The following ACVR2B variants were observed in gnomAD, a reference collection of about 807,000 sequenced individuals.
ACVR2B encodes the protein activin A receptor type 2B.
ACVR2B carries 18 observed loss-of-function variants against 65.1 expected under a neutral mutation model. That is an observed-to-expected ratio of 0.28 (90% CI 0.19 to 0.41). The LOEUF (loss-of-function observed/expected upper bound fraction) is 0.41, where lower values mean the gene tolerates loss of function less well. Among genes scored for constraint, ACVR2B ranks in the 10% least tolerant of loss-of-function variants. The probability of loss-of-function intolerance (pLI) is 1.00; values close to 1 mark genes in which losing one functional copy is unlikely to be tolerated. For missense variants in ACVR2B, 482 were observed against 682.7 expected (o/e 0.71, Z 3.28); for synonymous variants, 298 against 277.7 (o/e 1.07, Z -0.73).
intron 7 of ACVR2B, 34 bp downstream of exon 7, chr3:38,479,860 G>T: frequency 1.2e-6 from 2 of 1,610,650 alleles, no homozygotes; most frequent in South Asian, 2.2e-5. Context: ...TCCTGCACTT[G>T]ACCTGGAGCT....
At chr3:38,465,693 G>A (rs1224480236) in intron 1 of ACVR2B, among the ~76,000 whole-genome samples, 7 of 151,846 alleles carry the variant, frequency 4.6e-5, no homozygotes, top group Non-Finnish European at 1.0e-4. Flanking sequence ...GAAATGAGAA[G>A]GTCTAAGAGT....
At position 38,481,567 on chromosome 3, in the gene ACVR2B, T is replaced by C. The variant is rs145546996; in HGVS notation, c.1074+102T>C. 2.6e-5 allele frequency: 24 copies of C among 911,270 alleles called. No homozygotes were observed. Among genetic ancestry groups the C allele is most frequent in the African/African-American group, 2.0e-4 (12 of 61,480 alleles). 56.4% of individuals were successfully genotyped at this position (911,270 alleles called of 1,614,324 possible). On this transcript the variant is annotated intron_variant, in intron 8 of 10. Transcript: ENST00000352511. The surrounding 1 kb of genome is among the most constrained non-coding windows in gnomAD (Gnocchi z 4.7). Reference sequence around the variant, plus strand: ...AGGTGCAGGGATGAGGGTGACTGCATGCGTTCAGAGCTGTCTGAGAACTTA... The same window carrying C: ...AGGTGCAGGGATGAGGGTGACTGCACGCGTTCAGAGCTGTCTGAGAACTTA...
chr3:38,477,024 C>CCT lies in ACVR2B; in HGVS notation c.53-261_53-260dup, dbSNP rs1709923273. On this transcript the variant is annotated intron_variant, in intron 1 of 10. Transcript: ENST00000352511. This position sits in a 1 kb window ranked among gnomAD's most constrained non-coding sequence, Gnocchi z 6.7. The stretch of plus-strand genomic sequence containing the variant: ...TCCTTCTGTGGCATTAGGTTTCCTG[C>CCT]CTCCTCCCTTTTGCTTAGGCCTAGG... The CCT allele has an allele frequency of 3.5e-6, 2 of 571,754 alleles. No individual in the cohort carries two copies. Among genetic ancestry groups the CCT allele is most frequent in the African/African-American group, 3.7e-5 (2 of 53,412 alleles). 35.4% of individuals were successfully genotyped at this position (571,754 alleles called of 1,614,324 possible).
At position 38,477,807 on chromosome 3, in the gene ACVR2B, G is replaced by A. The variant is rs1709938366; in HGVS notation, c.261-54G>A. 2 of 1,564,918 alleles carry A rather than the reference G, an allele frequency of 1.3e-6. No individual in the cohort carries two copies. Among genetic ancestry groups the A allele is most frequent in the South Asian group, 2.2e-5 (2 of 90,102 alleles). On this transcript the variant is annotated intron_variant, in intron 2 of 10. Coordinates refer to ENST00000352511, the MANE Select transcript of ACVR2B (RefSeq NM_001106.4). This position sits in a 1 kb window ranked among gnomAD's most constrained non-coding sequence, Gnocchi z 6.7. ...AGGAGGGGTTGGCAGGGCAGGCCTG[G>A]GGGAGTCTTGCATCCCCCAGGTGAG... is the stretch of plus-strand genomic sequence containing the variant.
chr3:38,486,255 G>A lies in ACVR2B; in HGVS notation c.*2923G>A, dbSNP rs571556089. ...TTTTGGTGTGGCTGGGGAGGAGTGT[G>A]GTCCATGCCAGTTCTTTGGGCTTCA... On this transcript the variant is annotated 3_prime_UTR_variant, in exon 11 of 11. Transcript: ENST00000352511. The A allele has an allele frequency of 6.6e-6, 1 of 152,406 alleles. No individual in the cohort carries two copies. The highest frequency in any genetic ancestry group is 1.9e-4 in the East Asian group (1 of 5,184). The allele number at this position is 152,406 out of a possible 1,614,324, so 9.4% of individuals were successfully genotyped here. A position where few individuals can be genotyped will look rare whatever the true frequency, so the allele number is the denominator to read the frequency against.
chr3:38,482,408 C>G (rs773512733), intron 9 of ACVR2B, 22 bp from the exon 10 acceptor site: 2 of 1,611,282 alleles, frequency 1.2e-6, no homozygotes, highest in Non-Finnish European at 1.7e-6. Flanking sequence ...AGTGATCCTG[C>G]CAGGCTCTCT....
rs980317785 is a variant in ACVR2B at position 38,477,070 on chromosome 3, G to A, written c.53-217G>A. The A allele has an allele frequency of 6.6e-6, 4 of 607,096 alleles. No homozygotes were observed. The highest frequency in any genetic ancestry group is 1.2e-5 in the Non-Finnish European group (4 of 341,864). The allele number at this position is 607,096 out of a possible 1,614,324, so 37.6% of individuals were successfully genotyped here. A position where few individuals can be genotyped will look rare whatever the true frequency, so the allele number is the denominator to read the frequency against. On this transcript the variant is annotated intron_variant, in intron 1 of 10. Transcript: ENST00000352511. This position sits in a 1 kb window ranked among gnomAD's most constrained non-coding sequence, Gnocchi z 6.7. ...CTAGGGGCAGCTGTGATGGGCTGCA[G>A]AATGAGGTGGGGGCTGGTGCCAGCT...
chr3:38,457,859 C>T (rs1312321751), intron 1 of ACVR2B, among the ~76,000 whole-genome samples: 1 of 152,148 alleles, frequency 6.6e-6, no homozygotes, highest in African/African-American at 2.4e-5. Context: ...TCCCTCAGGC[C>T]TAGTGTAGCG....
In ACVR2B at chr3:38,485,547, G is replaced by C. The variant is rs1168655571; in HGVS notation, c.*2215G>C. 6.6e-6 allele frequency: 1 copy of C among 152,266 alleles called. No homozygotes were observed. The highest frequency in any genetic ancestry group is 1.5e-5 in the Non-Finnish European group (1 of 68,090). 9.4% of individuals were successfully genotyped at this position (152,266 alleles called of 1,614,324 possible). ...GGGGTCCTTTCCTCTGGGTGTTGGG[G>C]CACAGGGTGCTATGGGAGGCCCATT... is the stretch of plus-strand genomic sequence containing the variant. On this transcript the variant is annotated 3_prime_UTR_variant, in exon 11 of 11. Transcript: ENST00000352511.
chr3:38,459,269 C>T (rs1709600234), intron 1 of ACVR2B, among the ~76,000 whole-genome samples: 1 of 152,174 alleles, frequency 6.6e-6, no homozygotes. Context: ...TTCTGGTGTA[C>T]AGCTTACCAC....
rs1466633437 is a variant in ACVR2B, at chr3:38,489,672, A to G, written c.*6340A>G. On this transcript the variant is annotated 3_prime_UTR_variant, in exon 11 of 11. Transcript: ENST00000352511. ...AGTTTGTAAGCCTTTGCCATAGGAC[A>G]TAGTCATGTGAGAGTGTTTGGGGGA... is the stretch of plus-strand genomic sequence containing the variant. 6.6e-6 allele frequency: 1 copy of G among 152,648 alleles called. No homozygotes were observed. The highest frequency in any genetic ancestry group is 1.5e-5 in the Non-Finnish European group (1 of 68,038). The allele number at this position is 152,648 out of a possible 1,614,324, so 9.5% of individuals were successfully genotyped here.
intron 5 of ACVR2B, 88 bp downstream of exon 5, chr3:38,478,606 C>G: frequency 6.4e-7 from 1 of 1,573,672 alleles, no homozygotes; most frequent in Admixed American, 1.7e-5. Flanking sequence ...ATCCAAACCC[C>G]AAATAATATT....
chr3:38,491,959 G>A lies in ACVR2B; in HGVS notation c.*8627G>A, dbSNP rs1175989296. 1.3e-5 allele frequency: 2 copies of A among 152,138 alleles called. No homozygotes were observed. Among genetic ancestry groups the A allele is most frequent in the Non-Finnish European group, 2.9e-5 (2 of 68,022 alleles). The allele number at this position is 152,138 out of a possible 1,614,324, so 9.4% of individuals were successfully genotyped here. A position where few individuals can be genotyped will look rare whatever the true frequency, so the allele number is the denominator to read the frequency against. ...ACATGATCTTAATGGTAGTGTCAAA[G>A]GCCAAGTTTTTCACCTGTTAATATT... is the stretch of plus-strand genomic sequence containing the variant. On this transcript the variant is annotated 3_prime_UTR_variant, in exon 11 of 11. Transcript: ENST00000352511.
In ACVR2B at chr3:38,486,508, G is replaced by A. The variant is rs1385258103; in HGVS notation, c.*3176G>A. 1 of 152,180 alleles carries A rather than the reference G, an allele frequency of 6.6e-6. No homozygotes were observed. The highest frequency in any genetic ancestry group is 1.5e-5 in the Non-Finnish European group (1 of 68,042). The allele number at this position is 152,180 out of a possible 1,614,324, so 9.4% of individuals were successfully genotyped here. A position where few individuals can be genotyped will look rare whatever the true frequency, so the allele number is the denominator to read the frequency against. On this transcript the variant is annotated 3_prime_UTR_variant, in exon 11 of 11. Transcript: ENST00000352511. ...TTACTGGGTCATAGAGCCTCTGCCTGTGCTCTTTTCCATAATGACTTCATG... is the reference window on the plus strand; with the variant it reads ...TTACTGGGTCATAGAGCCTCTGCCTATGCTCTTTTCCATAATGACTTCATG...
intron 1 of ACVR2B, among the ~76,000 whole-genome samples, chr3:38,457,342 C>CT (rs1480819731): frequency 1.3e-5 from 2 of 152,354 alleles, no homozygotes; most frequent in African/African-American, 4.8e-5. Context: ...ATCCTCAACT[C>CT]TAACTTTCCA....
At chr3:38,480,906 G>A (rs1176376369) in intron 7 of ACVR2B, among the ~76,000 whole-genome samples, 1 of 152,156 alleles carries the variant, frequency 6.6e-6, no homozygotes, top group Non-Finnish European at 1.5e-5. Context: ...CGGCCTTCAT[G>A]GTGAGCTTGA....
intron 1 of ACVR2B, among the ~76,000 whole-genome samples, chr3:38,456,553 G>C (rs1227415588): frequency 6.6e-6 from 1 of 152,148 alleles, no homozygotes; most frequent in Non-Finnish European, 1.5e-5. Context: ...GTAGACTGGT[G>C]GCTTAAACAG....
At chr3:38,475,764 G>A (rs992614027) in intron 1 of ACVR2B, 3 of 152,544 alleles carry the variant, frequency 2.0e-5, no homozygotes, top group Non-Finnish European at 2.9e-5. Context: ...CCTCCCCCAG[G>A]GTCAGGGCAG....
intron 1 of ACVR2B, 90 bp downstream of exon 1, chr3:38,454,464 C>CG (rs1709507473): frequency 1.2e-5 from 13 of 1,122,596 alleles, no homozygotes; most frequent in Admixed American, 4.4e-5. Context: ...AGGGCGGGCC[C>CG]GGGGCCTCGT....
Sources: allele counts gnomAD v4.1 joint callset (sites outside exome capture counted in the v4.1 genomes callset), GRCh38; gene constraint gnomAD v4.1.1; non-coding constraint Gnocchi (gnomAD v3.1); transcripts MANE v1.5; gene names NCBI Gene and HGNC (gene_info 2026-07-23, HGNC 2026-07-21).